The following DST variants were observed in gnomAD, a reference collection of about 807,000 sequenced individuals.
DST encodes the protein bullous pemphigoid antigen.
Under a neutral mutation model 875.2 loss-of-function variants are expected in DST, and 253 were observed. That is an observed-to-expected ratio of 0.29 (90% CI 0.26 to 0.32). The LOEUF (loss-of-function observed/expected upper bound fraction) is 0.32. DST is among the 10% of genes least tolerant of loss of function. The pLI is 1.00. For missense variants in DST, 8,287 were observed against 9,111.6 expected (o/e 0.91, Z 3.68); for synonymous variants, 3,124 against 3,197.1 (o/e 0.98, Z 0.77).
rs1295602756 is a variant in DST at position 56,463,151 on chromosome 6, G to A, written c.22965C>T (p.Leu7655=). The part of the protein sequence containing the change: ...QVPATTTPKI[L]HPLTRNYGKP... ...TACCATAATTGCGTGTTAAAGGATG[G>A]AGAATCTGTATGGAACAATGGCAAA... Residue 7655 remains leucine, a synonymous_variant, in exon 102 of 104, where the codon CTC becomes CTT. Transcript: ENST00000680361. The A allele has an allele frequency of 1.2e-6, 2 of 1,600,072 alleles. No homozygotes were observed. Among genetic ancestry groups the A allele is most frequent in the Admixed American group, 3.3e-5 (2 of 59,974 alleles).
intron 58 of DST, 82 bp downstream of exon 58, chr6:56,560,212 T>C (rs979955673): frequency 4.6e-6 from 6 of 1,300,338 alleles, no homozygotes; most frequent in Non-Finnish European, 6.1e-6. Flanking sequence ...GACTGTTGAA[T>C]GTTTTCTGAT....
chr6:56,758,201 C>G (rs1455452624), intron 4 of DST, among the ~76,000 whole-genome samples: 1 of 152,204 alleles, frequency 6.6e-6, no homozygotes, highest in East Asian at 1.9e-4. Flanking sequence ...CATTTCCCAG[C>G]CTTCCTTGAG....
chr6:56,580,583 A>T (rs1585462729), intron 49 of DST, among the ~76,000 whole-genome samples: 1 of 136,404 alleles, frequency 7.3e-6, no homozygotes, highest in African/African-American at 2.7e-5. Flanking sequence ...AATAAATAAA[A>T]ATTTAAAAAA....
At chr6:56,502,056 T>C (rs1314816467) in intron 78 of DST, among the ~76,000 whole-genome samples, 1 of 152,106 alleles carries the variant, frequency 6.6e-6, no homozygotes, top group Non-Finnish European at 1.5e-5. Context: ...TGTTGACACA[T>C]ATGAAAGCCA....
intron 5 of DST, among the ~76,000 whole-genome samples, chr6:56,717,937 T>G (rs1402238213): frequency 6.6e-6 from 1 of 152,142 alleles, no homozygotes; most frequent in Non-Finnish European, 1.5e-5. Context: ...GCAATTCCCC[T>G]GCCTTGATAA....
At chr6:56,493,867 G>T in intron 83 of DST, 143 bp downstream of exon 83, 1 of 571,876 alleles carries the variant, frequency 1.7e-6, no homozygotes, top group Non-Finnish European at 2.7e-6. Context: ...ACTACCCCAT[G>T]AAATCTCCAA....
rs1226473713 is a variant in DST at position 56,569,975 on chromosome 6, C to T, written c.13759G>A (p.Ala4587Thr). 1 of 1,605,022 alleles carries T rather than the reference C, an allele frequency of 6.2e-7. No individual in the cohort carries two copies. Among genetic ancestry groups the T allele is most frequent in the Non-Finnish European group, 8.5e-7 (1 of 1,177,502 alleles). ...AVTSCQEQLDAFQVLVKSLKS... is the reference protein window; with the variant it reads ...AVTSCQEQLDTFQVLVKSLKS... Reference sequence around the variant, plus strand: ...AATGATTTAACAAGAACTTGGAAAGCATCCAACTGTTCTTGACAAGAAGTT... The same window carrying T: ...AATGATTTAACAAGAACTTGGAAAGTATCCAACTGTTCTTGACAAGAAGTT... The change falls in exon 54 of 104, where the codon GCT (alanine) becomes ACT (threonine). Residue 4587 changes from alanine (A) to threonine (T), a missense_variant. Physicochemically the swap from Ala to Thr is moderately conservative, Grantham distance 58. Coordinates refer to ENST00000680361, the MANE Select transcript of DST (RefSeq NM_001374736.1).
chr6:56,634,881 G>T lies in DST; in HGVS notation c.3259C>A (p.Gln1087Lys). ...CAGTCAGAATTCCTTGGCTTCAGTT[G>T]AATTATTGTTTTTGCTTTTCCCATT... ...NLMGKAKTII[Q>K]LKPRNSDCPL... The change falls in exon 25 of 104, where the codon CAA becomes AAA. Residue 1087 changes from glutamine to lysine, a missense_variant. Coordinates refer to ENST00000680361, the MANE Select transcript of DST (RefSeq NM_001374736.1). The T allele has an allele frequency of 1.2e-6, 2 of 1,613,824 alleles. No individual in the cohort carries two copies. The highest frequency in any genetic ancestry group is 1.7e-6 in the Non-Finnish European group (2 of 1,179,844).
At chr6:56,546,387 T>TATAA (rs1314974109) in intron 61 of DST, among the ~76,000 whole-genome samples, 1 of 112,552 alleles carries the variant, frequency 8.9e-6, no homozygotes, top group African/African-American at 3.6e-5. Flanking sequence ...TATATATATA[T>TATAA]ATAAATGTCA....
At chr6:56,699,868 T>C (rs2099286611) in intron 8 of DST, 123 bp from the exon 9 acceptor site, 2 of 533,898 alleles carry the variant, frequency 3.7e-6, no homozygotes, top group South Asian at 2.8e-5. Context: ...TAAACACCAG[T>C]AGTCAACTAA....
At position 56,504,918 on chromosome 6, in the gene DST, T is replaced by A. The variant is rs111898590; in HGVS notation, c.19465-820A>T. 2.6e-3 allele frequency among the ~76,000 whole-genome samples: 402 copies of A among 152,206 alleles called. 2 individuals carry two copies. The highest frequency in any genetic ancestry group is 9.4e-3 in the African/African-American group (390 of 41,556). ...TACTTCAGCTCTTGTTTTGACAGGA[T>A]CTTGCTATGTTTCCCAGGCTGATCT... On this transcript the variant is annotated intron_variant, in intron 77 of 103. Coordinates refer to ENST00000680361, the MANE Select transcript of DST (RefSeq NM_001374736.1).
At chr6:56,906,901 A>G (rs998017177) in intron 2 of DST, among the ~76,000 whole-genome samples, 1 of 152,064 alleles carries the variant, frequency 6.6e-6, no homozygotes, top group Non-Finnish European at 1.5e-5. Flanking sequence ...CAACCATCCT[A>G]ACAGATGTGA....
rs1039702612 is a variant in DST, at chr6:56,518,198, G to C, written c.18130-578C>G. ...TAATAATGGCAGAAAACATTTTTAA[G>C]AGCATTCTTAAATATTTTAATAAAT... On this transcript the variant is annotated intron_variant, in intron 69 of 103. Transcript: ENST00000680361. Among the ~76,000 whole-genome samples the C allele has an allele frequency of 2.6e-4, 39 of 152,146 alleles. No homozygotes were observed. The East Asian group carries it at 7.5e-3, about 29-fold the overall frequency.
At chr6:56,501,488 T>C (rs1038193343) in intron 79 of DST, 32 bp downstream of exon 79, 3 of 1,428,454 alleles carry the variant, frequency 2.1e-6, no homozygotes, top group Non-Finnish European at 2.8e-6. Context: ...ATTGAAAATT[T>C]ATAATTTCTT....
At chr6:56,530,611 T>C (rs6919608) in intron 64 of DST, among the ~76,000 whole-genome samples, 100,984 of 152,040 alleles carry the variant, frequency 0.66, 34,090 homozygotes, top group Non-Finnish European at 0.71. Flanking sequence ...CTTCCTCCTC[T>C]CCTTAGTGGA....
At chr6:56,775,390 T>A (rs1385220714) in intron 4 of DST, among the ~76,000 whole-genome samples, 1 of 152,200 alleles carries the variant, frequency 6.6e-6, no homozygotes, top group African/African-American at 2.4e-5. Context: ...ACTGTGGCCA[T>A]CCTAATTACA....
chr6:56,624,627 A>C lies in DST; in HGVS notation c.4832T>G (p.Phe1611Cys). The C allele has an allele frequency of 6.3e-7, 1 of 1,598,828 alleles. No individual in the cohort carries two copies. The highest frequency in any genetic ancestry group is 8.6e-7 in the Non-Finnish European group (1 of 1,166,542). Residue 1611 changes from phenylalanine to cysteine, a missense_variant and splice_region_variant, in exon 36 of 104, where the codon TTC becomes TGC. This residue lies in a region of DST where 3,138 missense variants were observed against 3,116.6 expected (regional missense o/e 1.01). Coordinates refer to ENST00000680361, the MANE Select transcript of DST (RefSeq NM_001374736.1). ...QSSADLIIQEFMDLRTRYTAL... is the reference protein window; with the variant it reads ...QSSADLIIQECMDLRTRYTAL... ...AGTATATCGAGTCCTTAGGTCCATG[A>C]ACTGCAAGTAAGGAAAAAAATAATA...
intron 75 of DST, among the ~76,000 whole-genome samples, chr6:56,507,258 A>C (rs1001121332): frequency 1.6e-4 from 24 of 152,230 alleles, no homozygotes; most frequent in African/African-American, 5.8e-4. Context: ...TGTAAGGTAC[A>C]AAGATACCAC....
At chr6:56,719,578 C>G (rs2099407025) in intron 5 of DST, among the ~76,000 whole-genome samples, 1 of 152,232 alleles carries the variant, frequency 6.6e-6, no homozygotes, top group South Asian at 2.1e-4. Flanking sequence ...GCAATGAGAT[C>G]ATCACTCATG....
Sources: gnomAD v4.1 joint callset for allele counts (sites outside exome capture counted in the v4.1 genomes callset) on GRCh38, gnomAD v4.1.1 for gene constraint, gnomAD v4.1.1 regional missense constraint, MANE v1.5 for transcripts, NCBI Gene and HGNC (gene_info 2026-07-23, HGNC 2026-07-21) for gene names.